The following RANBP2 variants were observed in gnomAD, a reference collection of about 807,000 sequenced individuals.
RANBP2 encodes the protein E3 SUMO-protein ligase RanBP2.
In RANBP2, 57 loss-of-function variants were observed where a neutral mutation model predicts 303.6. The observed-to-expected ratio is 0.19, with a 90% confidence interval of 0.15 to 0.23. The LOEUF is 0.23. Among genes scored for constraint, RANBP2 ranks in the 10% least tolerant of loss-of-function variants. The pLI is 1.00. For synonymous variants in RANBP2, 1,167 were observed against 1,301.5 expected, an observed-to-expected ratio of 0.90 and a Z score of 2.23; for missense variants, 3,138 against 3,780.8, an observed-to-expected ratio of 0.83 and a Z score of 4.46.
chr2:109,423,670 G>A, the RANBP2 span, among the ~76,000 whole-genome samples: 2 of 152,200 alleles, frequency 1.3e-5, no homozygotes, highest in Non-Finnish European at 2.9e-5. Context: ...CCCCCAAGAG[G>A]TGTCTCAGAG....
chr2:109,760,197 G>GT, the RANBP2 span: 3 of 124,126 alleles, frequency 2.4e-5, no homozygotes, highest in Admixed American at 8.3e-5. Flanking sequence ...ACCTGGTTTT[G>GT]TTAAAAAAAA....
the RANBP2 span, chr2:109,568,092 G>A: frequency 1.3e-6 from 1 of 761,398 alleles, no homozygotes; most frequent in Admixed American, 2.9e-5. Flanking sequence ...ACCTAGATCG[G>A]GGGGCTGGCA....
At chr2:109,546,441 C>A in the RANBP2 span, among the ~76,000 whole-genome samples, 1 of 151,694 alleles carries the variant, frequency 6.6e-6, no homozygotes, top group Non-Finnish European at 1.5e-5. Flanking sequence ...AAATGAGTTC[C>A]CATGCAAAAA....
the RANBP2 span, chr2:109,574,469 TA>T: frequency 1.7e-6 from 1 of 593,272 alleles, no homozygotes; most frequent in Non-Finnish European, 2.4e-6. Context: ...AAAAAAAATT[TA>T]AAAAAGATGC....
intron 23 of RANBP2, among the ~76,000 whole-genome samples, chr2:108,773,659 T>TG (rs1558934219): frequency 1.5e-4 from 22 of 145,894 alleles, no homozygotes; most frequent in South Asian, 4.4e-4. Flanking sequence ...TTTTTTTTTT[T>TG]TGGGGGGGGA....
At chr2:109,585,172 T>G in the RANBP2 span, 1 of 1,609,024 alleles carries the variant, frequency 6.2e-7, no homozygotes. Context: ...GTATTCACAA[T>G]GGTCAATTTC....
the RANBP2 span, among the ~76,000 whole-genome samples, chr2:109,312,904 C>T: frequency 1.3e-3 from 200 of 152,242 alleles, no homozygotes; most frequent in Non-Finnish European, 2.4e-3. Flanking sequence ...CTTGCTGGGT[C>T]ACGTGGTCAT....
At chr2:109,494,882 A>G in the RANBP2 span, among the ~76,000 whole-genome samples, 11 of 152,116 alleles carry the variant, frequency 7.2e-5, no homozygotes, top group Non-Finnish European at 1.6e-4. Context: ...CTCCACTCTC[A>G]GAGGAAGGAC....
chr2:109,392,337 G>C, the RANBP2 span, among the ~76,000 whole-genome samples: 1 of 152,310 alleles, frequency 6.6e-6, no homozygotes, highest in South Asian at 2.1e-4. Flanking sequence ...CAATGGTGCT[G>C]CTTGTTCACT....
At chr2:109,287,689 A>G in the RANBP2 span, among the ~76,000 whole-genome samples, 528 of 152,238 alleles carry the variant, frequency 3.5e-3, 5 homozygotes, top group African/African-American at 0.012. Context: ...CTCGGATCCT[A>G]TCAGAGGCCT....
At chr2:109,514,355 C>T in the RANBP2 span, among the ~76,000 whole-genome samples, 1 of 152,192 alleles carries the variant, frequency 6.6e-6, no homozygotes, top group African/African-American at 2.4e-5. Context: ...TAGGAAAACG[C>T]AGCCCCGGGT....
the RANBP2 span, among the ~76,000 whole-genome samples, chr2:109,391,079 A>G: frequency 0.31 from 47,680 of 152,142 alleles, 8,758 homozygotes; most frequent in Non-Finnish European, 0.41. Context: ...TGTCCAGTCC[A>G]TAAGAGGGGG....
the RANBP2 span, chr2:108,930,916 A>T: frequency 6.3e-7 from 1 of 1,590,668 alleles, no homozygotes; most frequent in African/African-American, 1.3e-5. Flanking sequence ...CAGTCCAACC[A>T]TCATGAGGAT....
chr2:108,925,702 C>T, the RANBP2 span, among the ~76,000 whole-genome samples: 2 of 152,164 alleles, frequency 1.3e-5, no homozygotes, highest in African/African-American at 4.8e-5. Context: ...ACCGCAACTT[C>T]CGCCTCCCAG....
chr2:108,737,904 C>A (rs1233755928), intron 6 of RANBP2, among the ~76,000 whole-genome samples: 1 of 150,734 alleles, frequency 6.6e-6, no homozygotes, highest in Non-Finnish European at 1.5e-5. Flanking sequence ...TTAGTAGAGA[C>A]GGGGTTTCAC....
the RANBP2 span, among the ~76,000 whole-genome samples, chr2:109,701,730 C>T: frequency 6.6e-6 from 1 of 152,142 alleles, no homozygotes; most frequent in Admixed American, 6.6e-5. Flanking sequence ...TTGTAGCTAT[C>T]TTACTCAGGA....
chr2:109,216,683 C>T, the RANBP2 span, among the ~76,000 whole-genome samples: 2 of 152,238 alleles, frequency 1.3e-5, no homozygotes. Flanking sequence ...CTAGCCAGTG[C>T]CCAAGGCAGG....
At chr2:109,350,385 C>T in the RANBP2 span, among the ~76,000 whole-genome samples, 1 of 152,118 alleles carries the variant, frequency 6.6e-6, no homozygotes, top group East Asian at 1.9e-4. Context: ...ATTCTTTGTT[C>T]AAGGACTTTC....
At position 108,763,319 on chromosome 2, in the gene RANBP2, A is replaced by G; in HGVS notation, c.2780A>G (p.Gln927Arg). Residue 927 changes from glutamine (Q) to arginine (R), a missense_variant, in exon 20 of 29, where the codon CAA becomes CGA. Coordinates refer to ENST00000283195, the MANE Select transcript of RANBP2 (RefSeq NM_006267.5). The part of the protein sequence containing the change: ...YPQQMHTPPV[Q>R]SSSACMFSQE... The stretch of plus-strand genomic sequence containing the variant: ...CAACAGATGCACACACCGCCAGTGC[A>G]AAGCTCATCTGCTTGTATGTTCTCT... 6.2e-7 allele frequency: 1 copy of G among 1,614,040 alleles called. No homozygotes were observed. The highest frequency in any genetic ancestry group is 2.2e-5 in the East Asian group (1 of 44,880).
Sources: gnomAD v4.1 joint callset for allele counts (sites outside exome capture counted in the v4.1 genomes callset) on GRCh38, gnomAD v4.1.1 for gene constraint, MANE v1.5 for transcripts, NCBI Gene and HGNC (gene_info 2026-07-23, HGNC 2026-07-21) for gene names.